ZNF197: variants seen among roughly 807,000 people sequenced by gnomAD.
ZNF197 encodes the protein VHL-associated KRAB-A domain-containing protein.
ZNF197 carries 14 observed loss-of-function variants against 27.4 expected under a neutral mutation model. The ratio of observed to expected loss-of-function variants is 0.51; its 90% CI spans 0.34 to 0.80. ZNF197 has a LOEUF of 0.80. Ranked by LOEUF, ZNF197 falls within the 30% of genes least tolerant of loss-of-function variation. The pLI, the probability that ZNF197 is intolerant of heterozygous loss-of-function variation, is 0.02. For missense variants in ZNF197, 1,090 were observed against 1,222.6 expected, an observed-to-expected ratio of 0.89 and a Z score of 1.62; for synonymous variants, 415 against 420.0, an observed-to-expected ratio of 0.99 and a Z score of 0.15.
chr3:44,629,089 C>A lies in ZNF197; in HGVS notation c.-66C>A, dbSNP rs1701829634. The A allele has an allele frequency of 7.2e-6, 11 of 1,530,592 alleles. No homozygotes were observed. In the East Asian group the frequency reaches 2.5e-4, roughly 34 times the overall value. 94.8% of individuals were successfully genotyped at this position (1,530,592 alleles called of 1,614,324 possible). A position where few individuals can be genotyped will look rare whatever the true frequency, so the allele number is the denominator to read the frequency against. On this transcript the variant is annotated 5_prime_UTR_variant, in exon 2 of 6. It adds an upstream start codon to the 5' untranslated region. Coordinates refer to ENST00000344387, the MANE Select transcript of ZNF197 (RefSeq NM_006991.5). The stretch of plus-strand genomic sequence containing the variant: ...GGTCTTGTAGATGATACTCTCCAAG[C>A]TGTAAGGAAGAAGTCAAGGATTAAG...
chr3:44,632,339 G>A, intron 4 of ZNF197, 134 bp from the exon 5 acceptor site: 1 of 1,482,838 alleles, frequency 6.7e-7, no homozygotes, highest in Non-Finnish European at 9.3e-7. Context: ...CTTTACATGT[G>A]ATCTCCTTAT....
chr3:44,645,754 T>C lies in ZNF197; in HGVS notation c.*1534T>C, dbSNP rs1702918920. 4.1e-6 allele frequency: 4 copies of C among 985,424 alleles called. No homozygotes were observed. In the South Asian group the frequency reaches 1.9e-4, roughly 46 times the overall value. 61.0% of individuals were successfully genotyped at this position (985,424 alleles called of 1,614,324 possible). ...AACAACATTCTGTCCCAGCACTAAA[T>C]TTACTGGGACATAAATTTTTCACAT... On this transcript the variant is annotated 3_prime_UTR_variant, in exon 6 of 6. Coordinates refer to ENST00000344387, the MANE Select transcript of ZNF197 (RefSeq NM_006991.5).
chr3:44,641,771 T>A, intron 5 of ZNF197, 129 bp from the exon 6 acceptor site: 2 of 1,089,970 alleles, frequency 1.8e-6, no homozygotes, highest in South Asian at 1.8e-5. Flanking sequence ...CTTCCTTTAA[T>A]GAAAAGTTTC....
At chr3:44,630,179 T>C (rs1239887004) in intron 2 of ZNF197, among the ~76,000 whole-genome samples, 5 of 152,204 alleles carry the variant, frequency 3.3e-5, no homozygotes, top group African/African-American at 1.2e-4. Flanking sequence ...ATTACACCAT[T>C]GCACTCCAGC....
rs1314945606 is a variant in ZNF197 at position 44,645,735 on chromosome 3, A to G, written c.*1515A>G. On this transcript the variant is annotated 3_prime_UTR_variant, in exon 6 of 6. Transcript: ENST00000344387. Reference sequence around the variant, plus strand: ...GATAGCCTGTTACTAATGAAACAACATTCTGTCCCAGCACTAAATTTACTG... The same window carrying G: ...GATAGCCTGTTACTAATGAAACAACGTTCTGTCCCAGCACTAAATTTACTG... The G allele has an allele frequency of 5.1e-6, 5 of 985,330 alleles. No individual in the cohort carries two copies. The Admixed American group carries it at 3.1e-4, about 61-fold the overall frequency. 61.0% of individuals were successfully genotyped at this position (985,330 alleles called of 1,614,324 possible).
In ZNF197 at chr3:44,642,372, A is replaced by C; in HGVS notation, c.1242A>C (p.Leu414=). The change falls in exon 6 of 6, where the codon CTA becomes CTC. Residue 414 remains leucine (L), a synonymous_variant. Transcript: ENST00000344387. ...GKGFIQRSSL[L]MHLRNHSGEK... ...GCTTTATTCAGCGTTCGAGCCTTCT[A>C]ATGCATTTACGGAACCATTCAGGGG... The C allele has an allele frequency of 6.2e-7, 1 of 1,614,110 alleles. No homozygotes were observed. The highest frequency in any genetic ancestry group is 8.5e-7 in the Non-Finnish European group (1 of 1,180,014).
rs893713327 is a variant in ZNF197 at position 44,643,013 on chromosome 3, G to C, written c.1883G>C (p.Gly628Ala). The C allele has an allele frequency of 6.2e-7, 1 of 1,614,044 alleles. No homozygotes were observed. The highest frequency in any genetic ancestry group is 1.3e-5 in the African/African-American group (1 of 75,014). The part of the protein sequence containing the change: ...REKPYKCTEC[G>A]KAFTQSAYLF... ...AAACCTTACAAATGCACTGAATGTG[G>C]GAAAGCCTTTACTCAAAGTGCTTAC... is the stretch of plus-strand genomic sequence containing the variant. The change falls in exon 6 of 6, where the codon GGG becomes GCG. Residue 628 changes from glycine to alanine, a missense_variant. Physicochemically the swap from Gly to Ala is moderately conservative, Grantham distance 60. Coordinates refer to ENST00000344387, the MANE Select transcript of ZNF197 (RefSeq NM_006991.5).
chr3:44,626,616 C>T (rs550992170), intron 1 of ZNF197, among the ~76,000 whole-genome samples: 2 of 152,274 alleles, frequency 1.3e-5, no homozygotes, highest in South Asian at 2.1e-4. Context: ...ATACAAATGA[C>T]TCTATATTAA....
In ZNF197 at chr3:44,645,245, C is replaced by T. The variant is rs1010383361; in HGVS notation, c.*1025C>T. On this transcript the variant is annotated 3_prime_UTR_variant, in exon 6 of 6. Transcript: ENST00000344387. The stretch of plus-strand genomic sequence containing the variant: ...GTACTTTTTGAAATCATTCAGTTGT[C>T]AATAAAGTTGGATAAAAGAGGTTAT... The T allele has an allele frequency of 7.1e-6, 7 of 985,058 alleles. No homozygotes were observed. The African/African-American group carries it at 1.1e-4, about 15-fold the overall frequency. 61.0% of individuals were successfully genotyped at this position (985,058 alleles called of 1,614,324 possible).
At chr3:44,632,952 C>T (rs1303106150) in intron 5 of ZNF197, among the ~76,000 whole-genome samples, 1 of 152,130 alleles carries the variant, frequency 6.6e-6, no homozygotes, top group Non-Finnish European at 1.5e-5. Flanking sequence ...GTCAGCCATT[C>T]CTTATTTTAG....
At position 44,643,461 on chromosome 3, in the gene ZNF197, C is replaced by T. The variant is rs1269088881; in HGVS notation, c.2331C>T (p.Leu777=). 4 of 1,614,024 alleles carry T rather than the reference C, an allele frequency of 2.5e-6. No individual in the cohort carries two copies. The African/African-American group carries it at 4.0e-5, about 16-fold the overall frequency. ...CGRAFSSNRN[L]IEHKRIHSGE... is the part of the protein sequence containing the mutation. ...GAGCTTTCAGTTCAAACAGAAACCTCATTGAGCATAAGAGAATCCACAGTG... is the reference window on the plus strand; with the variant it reads ...GAGCTTTCAGTTCAAACAGAAACCTTATTGAGCATAAGAGAATCCACAGTG... The change falls in exon 6 of 6, where the codon CTC becomes CTT. Residue 777 remains leucine, a synonymous_variant. Coordinates refer to ENST00000344387, the MANE Select transcript of ZNF197 (RefSeq NM_006991.5).
chr3:44,641,775 A>G (rs1270714989), intron 5 of ZNF197, 125 bp from the exon 6 acceptor site: 1 of 1,128,848 alleles, frequency 8.9e-7, no homozygotes, highest in Non-Finnish European at 1.2e-6. Context: ...CTTTAATGAA[A>G]AGTTTCTCCT....
intron 5 of ZNF197, among the ~76,000 whole-genome samples, chr3:44,639,447 G>A (rs1340142481): frequency 6.6e-6 from 1 of 150,642 alleles, no homozygotes; most frequent in Non-Finnish European, 1.5e-5. Flanking sequence ...GGCTTTTTGT[G>A]TGCAGGCAGG....
In ZNF197 at chr3:44,629,178, C is replaced by T. The variant is rs747782089; in HGVS notation, c.24C>T (p.His8=). 8.1e-6 allele frequency: 13 copies of T among 1,612,302 alleles called. No homozygotes were observed. The highest frequency in any genetic ancestry group is 5.0e-5 in the Admixed American group (3 of 59,558). Residue 8 remains histidine, a synonymous_variant, in exon 2 of 6, where the codon CAC becomes CAT. Transcript: ENST00000344387. MTRENVA[H]NALRQEGLVK... The stretch of plus-strand genomic sequence containing the variant: ...CAATGACAAGAGAAAATGTAGCCCA[C>T]AATGCTCTGAGACAAGAGGGCCTTG...
chr3:44,644,260 G>A lies in ZNF197; in HGVS notation c.*40G>A. The A allele has an allele frequency of 6.5e-7, 1 of 1,538,940 alleles. No homozygotes were observed. Among genetic ancestry groups the A allele is most frequent in the Non-Finnish European group, 8.7e-7 (1 of 1,149,222 alleles). The stretch of plus-strand genomic sequence containing the variant: ...TGGAATAGAATCCCTGCCTACTTAA[G>A]TAACTGTTGGACAAATGATATATAT... On this transcript the variant is annotated 3_prime_UTR_variant, in exon 6 of 6. Transcript: ENST00000344387.
rs1559474308 is a variant in ZNF197 at position 44,642,841 on chromosome 3, T to C, written c.1711T>C (p.Cys571Arg). The change falls in exon 6 of 6, where the codon TGT becomes CGT. Residue 571 changes from cysteine to arginine, a missense_variant. Transcript: ENST00000344387. Reference protein sequence around the residue: ...SAENPYKCKECGKVFIRSKSL... With the variant: ...SAENPYKCKERGKVFIRSKSL... ...AGAGAACCCTTACAAGTGTAAAGAA[T>C]GTGGAAAAGTTTTCATTCGAAGCAA... 1.9e-6 allele frequency: 3 copies of C among 1,613,988 alleles called. No individual in the cohort carries two copies. Among genetic ancestry groups the C allele is most frequent in the African/African-American group, 1.3e-5 (1 of 74,926 alleles).
At position 44,642,412 on chromosome 3, in the gene ZNF197, T is replaced by C. The variant is rs1165917575; in HGVS notation, c.1282T>C (p.Cys428Arg). The C allele has an allele frequency of 6.2e-7, 1 of 1,614,136 alleles. No individual in the cohort carries two copies. Among genetic ancestry groups the C allele is most frequent in the Non-Finnish European group, 8.5e-7 (1 of 1,180,026 alleles). The stretch of plus-strand genomic sequence containing the variant: ...CCATTCAGGGGAGAAACCTTATAAA[T>C]GTAATGAATGTGGGAAAGCATTTTC... ...RNHSGEKPYK[C>R]NECGKAFSQS... The change falls in exon 6 of 6, where the codon TGT (cysteine) becomes CGT (arginine). Residue 428 changes from cysteine (C) to arginine (R), a missense_variant. By Grantham distance (180) the Cys-to-Arg change is radical. Transcript: ENST00000344387.
In ZNF197 at chr3:44,644,553, G is replaced by A. The variant is rs1175371859; in HGVS notation, c.*333G>A. 2.4e-5 allele frequency: 22 copies of A among 901,886 alleles called. No individual in the cohort carries two copies. Among genetic ancestry groups the A allele is most frequent in the African/African-American group, 1.3e-4 (7 of 55,458 alleles). The allele number at this position is 901,886 out of a possible 1,614,324, so 55.9% of individuals were successfully genotyped here. Reference sequence around the variant, plus strand: ...CTCAGGAGGCTGAGACAGGAGAGTCGCTTGAACCTGGGAGGGCGGAGGTTG... The same window carrying A: ...CTCAGGAGGCTGAGACAGGAGAGTCACTTGAACCTGGGAGGGCGGAGGTTG... On this transcript the variant is annotated 3_prime_UTR_variant, in exon 6 of 6. Transcript: ENST00000344387.
intron 3 of ZNF197, among the ~76,000 whole-genome samples, 181 bp downstream of exon 3, chr3:44,631,402 C>T (rs1378790837): frequency 1.3e-5 from 2 of 151,686 alleles, no homozygotes; most frequent in African/African-American, 4.8e-5. Context: ...TTGTATACAT[C>T]CCCCCTTTTT....
Sources: allele counts gnomAD v4.1 joint callset (sites outside exome capture counted in the v4.1 genomes callset), GRCh38; gene constraint gnomAD v4.1.1; transcripts MANE v1.5; gene names NCBI Gene and HGNC (gene_info 2026-07-23, HGNC 2026-07-21).